RTN4RL2: variants seen among roughly 807,000 people sequenced by gnomAD.
RTN4RL2 encodes reticulon 4 receptor like 2.
A neutral mutation model predicts 27.8 loss-of-function variants in RTN4RL2; 9 were observed. That is an observed-to-expected ratio of 0.32 (90% CI 0.20 to 0.57). The LOEUF (loss-of-function observed/expected upper bound fraction) is 0.57. Among genes scored for constraint, RTN4RL2 ranks in the 20% least tolerant of loss-of-function variants. The probability of loss-of-function intolerance (pLI) is 0.90; values close to 1 mark genes in which losing one functional copy is unlikely to be tolerated. For missense variants in RTN4RL2, 436 were observed against 596.8 expected (o/e 0.73, Z 2.81); for synonymous variants, 285 against 297.9 (o/e 0.96, Z 0.45).
chr11:57,468,047 T>C lies in RTN4RL2; in HGVS notation c.470T>C (p.Leu157Pro). Residue 157 changes from leucine to proline, a missense_variant, in exon 2 of 3, where the codon CTG becomes CCG. Physicochemically the swap from Leu to Pro is moderately conservative, Grantham distance 98. Coordinates refer to ENST00000335099, the MANE Select transcript of RTN4RL2 (RefSeq NM_178570.3). ...AACATCTTCCGAGGCCTGGTCAGCCTGCAGTACCTCTACCTCCAGGAGAAC... is the reference window on the plus strand; with the variant it reads ...AACATCTTCCGAGGCCTGGTCAGCCCGCAGTACCTCTACCTCCAGGAGAAC... The part of the protein sequence containing the change: ...PGNIFRGLVS[L>P]QYLYLQENSL... 1 of 1,599,518 alleles carries C rather than the reference T, an allele frequency of 6.3e-7. No homozygotes were observed. The highest frequency in any genetic ancestry group is 2.2e-5 in the East Asian group (1 of 44,846).
At chr11:57,473,483 G>A (rs1943576150) in intron 2 of RTN4RL2, among the ~76,000 whole-genome samples, 1 of 151,838 alleles carries the variant, frequency 6.6e-6, no homozygotes, top group East Asian at 1.9e-4. Flanking sequence ...GCAGAGAGCT[G>A]TGAACCGGCC....
At chr11:57,474,493 AG>A (rs1272083589) in intron 2 of RTN4RL2, among the ~76,000 whole-genome samples, 1 of 152,180 alleles carries the variant, frequency 6.6e-6, no homozygotes, top group Admixed American at 6.5e-5. Context: ...TGCCACAGTC[AG>A]GGAACAGGCC....
chr11:57,461,909 G>A (rs906239926), intron 1 of RTN4RL2, among the ~76,000 whole-genome samples: 31 of 151,992 alleles, frequency 2.0e-4, no homozygotes, highest in South Asian at 2.1e-4. Context: ...ACTGGGGATT[G>A]GGGGTGCTGC....
At chr11:57,462,058 TG>T (rs1423505612) in intron 1 of RTN4RL2, among the ~76,000 whole-genome samples, 2 of 151,590 alleles carry the variant, frequency 1.3e-5, no homozygotes, top group Non-Finnish European at 2.9e-5. Flanking sequence ...CTCAGGGCCC[TG>T]GGGGTGGCTG....
chr11:57,465,712 G>A (rs1396213252), intron 1 of RTN4RL2, among the ~76,000 whole-genome samples: 1 of 152,132 alleles, frequency 6.6e-6, no homozygotes, highest in Non-Finnish European at 1.5e-5. Flanking sequence ...GGGATGATGG[G>A]AGGCCCTGCA....
chr11:57,475,802 G>A (rs1052046651), intron 2 of RTN4RL2, among the ~76,000 whole-genome samples: 2 of 152,120 alleles, frequency 1.3e-5, no homozygotes, highest in African/African-American at 2.4e-5. Flanking sequence ...TCAAACTGTG[G>A]TCCTGCCAAT....
rs1029692036 is a variant in RTN4RL2 at position 57,476,522 on chromosome 11, C to G, written c.874C>G (p.Pro292Ala). 19 of 1,456,452 alleles carry G rather than the reference C, an allele frequency of 1.3e-5. No homozygotes were observed. The highest frequency in any genetic ancestry group is 3.5e-4 in the Middle Eastern group (2 of 5,694). 90.2% of individuals were successfully genotyped at this position (1,456,452 alleles called of 1,614,324 possible). A position where few individuals can be genotyped will look rare whatever the true frequency, so the allele number is the denominator to read the frequency against. ...CTCCGACGTGACCTGCGCCACCCCC[C>G]CGGAGCGCCAGGGCCGAGACCTGCG... ...SSSDVTCATPPERQGRDLRAL... is the reference protein window; with the variant it reads ...SSSDVTCATPAERQGRDLRAL... Residue 292 changes from proline (P) to alanine (A), a missense_variant, in exon 3 of 3, where the codon CCG becomes GCG. Pro to Ala is a conservative substitution (Grantham distance 27, BLOSUM62 -1). Coordinates refer to ENST00000335099, the MANE Select transcript of RTN4RL2 (RefSeq NM_178570.3). The surrounding 1 kb of genome is among the most constrained non-coding windows in gnomAD (Gnocchi z 8.2).
At position 57,476,261 on chromosome 11, in the gene RTN4RL2, C is replaced by T. The variant is rs745459119; in HGVS notation, c.613C>T (p.Leu205=). 3 of 1,612,328 alleles carry T rather than the reference C, an allele frequency of 1.9e-6. No homozygotes were observed. The highest frequency in any genetic ancestry group is 2.7e-5 in the African/African-American group (2 of 74,922). ...TEHVFRGLGS[L]DRLLLHGNRL... ...GCACGTGTTTCGCGGCCTGGGCAGC[C>T]TGGACCGGCTGCTGCTGCACGGGAA... is the stretch of plus-strand genomic sequence containing the variant. Residue 205 remains leucine (L), a synonymous_variant, in exon 3 of 3, where the codon CTG becomes TTG. Transcript: ENST00000335099. This position sits in a 1 kb window ranked among gnomAD's most constrained non-coding sequence, Gnocchi z 8.2.
chr11:57,471,864 CTT>C (rs201449503), intron 2 of RTN4RL2, among the ~76,000 whole-genome samples: 2 of 147,354 alleles, frequency 1.4e-5, no homozygotes. Context: ...TGTTTTCTTT[CTT>C]TTTTTTTTTT....
chr11:57,476,908 C>G lies in RTN4RL2; in HGVS notation c.1260C>G (p.Leu420=), dbSNP rs1346926952. ...LCLLLLVPHH[L] ...TCCTGCTCCTGGTGCCCCACCACCTCTGACTGCGGTGCTGAGATCGAAGAG... is the reference window on the plus strand; with the variant it reads ...TCCTGCTCCTGGTGCCCCACCACCTGTGACTGCGGTGCTGAGATCGAAGAG... Residue 420 remains leucine, a synonymous_variant, in exon 3 of 3, where the codon CTC becomes CTG. Coordinates refer to ENST00000335099, the MANE Select transcript of RTN4RL2 (RefSeq NM_178570.3). The surrounding 1 kb of genome is among the most constrained non-coding windows in gnomAD (Gnocchi z 8.2). The G allele has an allele frequency of 2.6e-6, 4 of 1,565,676 alleles. No individual in the cohort carries two copies. Among genetic ancestry groups the G allele is most frequent in the Non-Finnish European group, 3.4e-6 (4 of 1,164,350 alleles).
At chr11:57,469,397 C>G (rs1045016303) in intron 2 of RTN4RL2, among the ~76,000 whole-genome samples, 1 of 152,124 alleles carries the variant, frequency 6.6e-6, no homozygotes, top group African/African-American at 2.4e-5. Context: ...CAGGGTCAGC[C>G]ACAGTGCCAA....
At chr11:57,465,137 G>A (rs952945411) in intron 1 of RTN4RL2, among the ~76,000 whole-genome samples, 1 of 152,118 alleles carries the variant, frequency 6.6e-6, no homozygotes, top group South Asian at 2.1e-4. Context: ...CTTCCACCCC[G>A]CACCTGTGTG....
At chr11:57,470,925 G>A (rs944194716) in intron 2 of RTN4RL2, among the ~76,000 whole-genome samples, 133 of 152,114 alleles carry the variant, frequency 8.7e-4, no homozygotes, top group Non-Finnish European at 1.3e-4. Context: ...AATAGGAAAC[G>A]AGTTAGTGTA....
chr11:57,466,396 A>G (rs1335411303), intron 1 of RTN4RL2, among the ~76,000 whole-genome samples: 1 of 152,148 alleles, frequency 6.6e-6, no homozygotes, highest in Non-Finnish European at 1.5e-5. Context: ...CTTGAGCCCA[A>G]GTGATCCAAG....
Position 57,467,247 on chromosome 11 carries a change from G to A in RTN4RL2, c.32-362G>A, listed in dbSNP as rs895096066. 6.6e-6 allele frequency among the ~76,000 whole-genome samples: 1 copy of A among 152,156 alleles called. No homozygotes were observed. The stretch of plus-strand genomic sequence containing the variant: ...TTCCCCTGAAACAGGGTCTTGTTGT[G>A]TTGCCCAGGCTGGAGTGCAAGGGTG... On this transcript the variant is annotated intron_variant, in intron 1 of 2. Transcript: ENST00000335099. This position sits in a 1 kb window ranked among gnomAD's most constrained non-coding sequence, Gnocchi z 5.5.
chr11:57,471,861 TTTC>T (rs1715204213), intron 2 of RTN4RL2, among the ~76,000 whole-genome samples: 2 of 152,126 alleles, frequency 1.3e-5, no homozygotes, highest in African/African-American at 4.8e-5. Context: ...ACTTGTTTTC[TTTC>T]TTTTTTTTTT....
intron 2 of RTN4RL2, among the ~76,000 whole-genome samples, chr11:57,473,800 A>T (rs1943578843): frequency 6.6e-6 from 1 of 152,090 alleles, no homozygotes; most frequent in Non-Finnish European, 1.5e-5. Context: ...CTTTTTGCAG[A>T]GAAACAAAAG....
chr11:57,468,933 TC>T, intron 2 of RTN4RL2: 2 of 749,414 alleles, frequency 2.7e-6, no homozygotes, highest in Non-Finnish European at 4.7e-6. Context: ...CCACTCCATT[TC>T]CCCAGGAAGC....
chr11:57,476,767 C>A lies in RTN4RL2; in HGVS notation c.1119C>A (p.Gly373=). The stretch of plus-strand genomic sequence containing the variant: ...CTACTGAGGACGACTACTGGGGGGG[C>A]TACGGGGGTGAGGACCAGCGAGGGG... The part of the protein sequence containing the change: ...DAPTEDDYWG[G]YGGEDQRGEQ... Residue 373 remains glycine, a synonymous_variant, in exon 3 of 3, where the codon GGC becomes GGA. Coordinates refer to ENST00000335099, the MANE Select transcript of RTN4RL2 (RefSeq NM_178570.3). This position sits in a 1 kb window ranked among gnomAD's most constrained non-coding sequence, Gnocchi z 8.2. 1 of 1,478,176 alleles carries A rather than the reference C, an allele frequency of 6.8e-7. No homozygotes were observed. The highest frequency in any genetic ancestry group is 8.9e-7 in the Non-Finnish European group (1 of 1,121,856). 91.6% of individuals were successfully genotyped at this position (1,478,176 alleles called of 1,614,324 possible). A position where few individuals can be genotyped will look rare whatever the true frequency, so the allele number is the denominator to read the frequency against.
Sources: gnomAD v4.1 joint callset for allele counts (sites outside exome capture counted in the v4.1 genomes callset) on GRCh38, gnomAD v4.1.1 for gene constraint, Gnocchi (gnomAD v3.1) non-coding constraint, MANE v1.5 for transcripts, NCBI Gene and HGNC (gene_info 2026-07-23, HGNC 2026-07-21) for gene names.